HEATR4: variants seen among roughly 807,000 people sequenced by gnomAD.
HEATR4 encodes the protein HEAT repeat containing 4, also known as HEAT repeat-containing protein 4.
In HEATR4, 95 loss-of-function variants were observed where a neutral mutation model predicts 108.8. That is an observed-to-expected ratio of 0.87 (90% CI 0.74 to 1.04). The LOEUF (loss-of-function observed/expected upper bound fraction) is 1.04, where lower values mean the gene tolerates loss of function less well. Among genes scored for constraint, HEATR4 ranks in the 50% least tolerant of loss-of-function variants. The pLI is 0.00. For synonymous variants in HEATR4, 443 were observed against 459.4 expected, an observed-to-expected ratio of 0.96 and a Z score of 0.46; for missense variants, 1,152 against 1,253.8, an observed-to-expected ratio of 0.92 and a Z score of 1.23.
chr14:73,601,361 C>T, the HEATR4 span, among the ~76,000 whole-genome samples: 4 of 151,870 alleles, frequency 2.6e-5, no homozygotes, highest in Admixed American at 1.3e-4. Flanking sequence ...GTCAGGAGTT[C>T]GAGACCAGCT....
intron 17 of HEATR4, among the ~76,000 whole-genome samples, chr14:73,480,678 G>A (rs1885213923): frequency 6.6e-6 from 1 of 152,118 alleles, no homozygotes; most frequent in Non-Finnish European, 1.5e-5. Context: ...TTCAAGAAGT[G>A]AATGAACAAA....
At chr14:73,490,999 A>G in intron 17 of HEATR4, 1 of 1,373,876 alleles carries the variant, frequency 7.3e-7, no homozygotes, top group Non-Finnish European at 9.5e-7. Context: ...CGGGCGGGGA[A>G]GACTGGTGTG....
At chr14:73,540,742 CTTTTTTTTT>C (rs200357086) in intron 1 of HEATR4, among the ~76,000 whole-genome samples, 2 of 81,224 alleles carry the variant, frequency 2.5e-5, no homozygotes, top group African/African-American at 7.9e-5. Context: ...TGTTTGCATT[CTTTTTTTTT>C]TTTTTTTTTT....
chr14:73,534,883 A>G lies in HEATR4; in HGVS notation c.-151-4639T>C, dbSNP rs1442432805. The stretch of plus-strand genomic sequence containing the variant: ...TATCGAATTCCTCCTGGGCTCAAGC[A>G]ATCTCCTGCCTAGGCCTCCCCCCTA... On this transcript the variant is annotated intron_variant, in intron 1 of 17. Coordinates refer to ENST00000553558, the MANE Select transcript of HEATR4 (RefSeq NM_001220484.1). Among the ~76,000 whole-genome samples, 25 of 108,488 alleles carry G rather than the reference A, an allele frequency of 2.3e-4. 6 individuals are homozygous for G. Among genetic ancestry groups the G allele is most frequent in the African/African-American group, 7.5e-4 (25 of 33,334 alleles). The allele number at this position is 108,488 out of a possible 152,430, so 71.2% of individuals were successfully genotyped here. A position where few individuals can be genotyped will look rare whatever the true frequency, so the allele number is the denominator to read the frequency against.
chr14:73,564,721 GTTTTTTGTTTTTT>G, the HEATR4 span, among the ~76,000 whole-genome samples: 23 of 83,568 alleles, frequency 2.8e-4, no homozygotes, highest in Middle Eastern at 0.032. Flanking sequence ...TATCTTTTCT[GTTTTTTGTTTTTT>G]TTTTTTTTTT....
chr14:73,509,481 C>T lies in HEATR4; in HGVS notation c.1559-8G>A, dbSNP rs1204964410. On this transcript the variant is annotated splice_polypyrimidine_tract_variant and splice_region_variant and intron_variant, in intron 7 of 17. Transcript: ENST00000553558. ...AGTCCTGGATGGTCTTGTCTGTGAT[C>T]AAAAGAGCCAGGTAAGAGAGTACTA... 6.2e-7 allele frequency: 1 copy of T among 1,613,432 alleles called. No homozygotes were observed.
At chr14:73,629,585 A>C in the HEATR4 span, among the ~76,000 whole-genome samples, 6 of 152,166 alleles carry the variant, frequency 3.9e-5, no homozygotes, top group African/African-American at 1.4e-4. Flanking sequence ...GGGGACTATA[A>C]GAAAGTTAAT....
At position 73,491,201 on chromosome 14, in the gene HEATR4, A is replaced by T. The variant is rs1362197486; in HGVS notation, c.2844+1865T>A. The stretch of plus-strand genomic sequence containing the variant: ...GAGGACGCAGACGCTGCCTAGCGAG[A>T]ACTCGGAGGAATCGAGGGTGGAGTC... On this transcript the variant is annotated intron_variant, in intron 17 of 17. Transcript: ENST00000553558. 3 of 1,595,592 alleles carry T rather than the reference A, an allele frequency of 1.9e-6. No homozygotes were observed. In the South Asian group the frequency reaches 3.4e-5, roughly 18 times the overall value.
chr14:73,589,596 A>C, the HEATR4 span, among the ~76,000 whole-genome samples: 1 of 152,138 alleles, frequency 6.6e-6, no homozygotes, highest in South Asian at 2.1e-4. Flanking sequence ...TGAGATTACA[A>C]GTGTGTGCCC....
intron 1 of HEATR4, among the ~76,000 whole-genome samples, chr14:73,547,817 C>T (rs1889258185): frequency 8.7e-6 from 1 of 115,136 alleles, no homozygotes; most frequent in African/African-American, 2.8e-5. Context: ...ACCTGGGAGT[C>T]GGAGGTTGCA....
At chr14:73,503,092 C>CT in intron 10 of HEATR4, 79 bp from the exon 11 acceptor site, 1 of 1,104,876 alleles carries the variant, frequency 9.1e-7, no homozygotes, top group Non-Finnish European at 1.4e-6. Context: ...GTTTTTTCTT[C>CT]TTTTTTTACT....
intron 17 of HEATR4, among the ~76,000 whole-genome samples, chr14:73,479,373 C>T (rs1885150858): frequency 6.6e-6 from 1 of 151,760 alleles, no homozygotes; most frequent in Non-Finnish European, 1.5e-5. Context: ...CCTCGGCCTC[C>T]CAAAGTGCTG....
At chr14:73,576,769 C>G in the HEATR4 span, among the ~76,000 whole-genome samples, 2 of 85,178 alleles carry the variant, frequency 2.3e-5, no homozygotes, top group African/African-American at 9.2e-5. Context: ...GTGCTCCAGC[C>G]TGGGCAACAG....
chr14:73,590,004 T>TA, the HEATR4 span, among the ~76,000 whole-genome samples: 1 of 152,192 alleles, frequency 6.6e-6, no homozygotes, highest in Non-Finnish European at 1.5e-5. Context: ...CAATGAGTGT[T>TA]ACAGCTCACA....
At chr14:73,505,205 C>T (rs1886733076) in intron 10 of HEATR4, among the ~76,000 whole-genome samples, 1 of 152,160 alleles carries the variant, frequency 6.6e-6, no homozygotes. Context: ...GCATGAGCCA[C>T]CGTACCGGAC....
chr14:73,517,665 C>CA (rs34441032), intron 5 of HEATR4, among the ~76,000 whole-genome samples: 19,013 of 59,048 alleles, frequency 0.32, 1,991 homozygotes, highest in Non-Finnish European at 0.38. Context: ...GAGACCCTGT[C>CA]AAAAAAAAAA....
Position 73,495,403 on chromosome 14 carries a change from T to C in HEATR4, c.2626-16A>G. 1 of 1,604,924 alleles carries C rather than the reference T, an allele frequency of 6.2e-7. No homozygotes were observed. Among genetic ancestry groups the C allele is most frequent in the Non-Finnish European group, 8.5e-7 (1 of 1,174,630 alleles). ...GTGTTTTAATCTAAATTAGAACAAA[T>C]AATGTTTGAAAAACAAAACAAAACA... On this transcript the variant is annotated splice_polypyrimidine_tract_variant and intron_variant, in intron 15 of 17. Transcript: ENST00000553558.
At chr14:73,512,622 G>A (rs946050874) in intron 6 of HEATR4, among the ~76,000 whole-genome samples, 1 of 152,152 alleles carries the variant, frequency 6.6e-6, no homozygotes, top group Non-Finnish European at 1.5e-5. Context: ...ACTAGACAAA[G>A]TGTTTAGCAA....
the HEATR4 span, among the ~76,000 whole-genome samples, chr14:73,619,022 C>T: frequency 6.6e-6 from 1 of 151,798 alleles, no homozygotes; most frequent in African/African-American, 2.4e-5. Flanking sequence ...CCCAGCTACT[C>T]GGGAGGCTGA....
Sources: gnomAD v4.1 joint callset for allele counts (sites outside exome capture counted in the v4.1 genomes callset) on GRCh38, gnomAD v4.1.1 for gene constraint, MANE v1.5 for transcripts, NCBI Gene and HGNC (gene_info 2026-07-23, HGNC 2026-07-21) for gene names.